Variants in CADM2 observed in about 807,000 individuals in gnomAD.
The protein encoded by CADM2 is cell adhesion molecule 2.
A neutral mutation model predicts 49.8 loss-of-function variants in CADM2; 12 were observed. The observed-to-expected ratio is 0.24, with a 90% confidence interval of 0.15 to 0.39. The LOEUF is 0.39. CADM2 is among the 10% of genes least tolerant of loss of function. The probability of loss-of-function intolerance (pLI) is 1.00; values close to 1 mark genes in which losing one functional copy is unlikely to be tolerated. For synonymous variants in CADM2, 214 were observed against 175.4 expected (o/e 1.22, Z -1.74); for missense variants, 378 against 492.3 (o/e 0.77, Z 2.20).
Position 85,553,651 on chromosome 3 carries a change from A to T in CADM2, c.62-172871A>T, listed in dbSNP as rs2061874492. Among the ~76,000 whole-genome samples, 3 of 152,186 alleles carry T rather than the reference A, an allele frequency of 2.0e-5. No individual in the cohort carries two copies. The South Asian group carries it at 6.2e-4, about 31-fold the overall frequency. On this transcript the variant is annotated intron_variant, in intron 1 of 9. Coordinates refer to ENST00000383699, the MANE Select transcript of CADM2 (RefSeq NM_001167675.2). ...CTCCAGGAAGAGTATTTTTGAAAAT[A>T]TCTCCCGTTCAGCACTTACTACCAG...
chr3:85,070,391 TA>T (rs1440873436), intron 1 of CADM2, among the ~76,000 whole-genome samples: 2 of 152,186 alleles, frequency 1.3e-5, no homozygotes, highest in African/African-American at 2.4e-5. Flanking sequence ...ATTATTCTTA[TA>T]GAAAGACTAG....
At chr3:85,191,170 C>T (rs1448105908) in intron 1 of CADM2, among the ~76,000 whole-genome samples, 1 of 151,856 alleles carries the variant, frequency 6.6e-6, no homozygotes. Context: ...AAGTTACATC[C>T]TCCTAACTAT....
chr3:85,165,808 T>C (rs746480970), intron 1 of CADM2, among the ~76,000 whole-genome samples: 2 of 151,838 alleles, frequency 1.3e-5, no homozygotes, highest in Admixed American at 6.6e-5. Context: ...CTTAGGAAAA[T>C]TGAATTACTA....
chr3:84,960,891 G>T (rs373049284), intron 1 of CADM2, among the ~76,000 whole-genome samples: 1 of 152,134 alleles, frequency 6.6e-6, no homozygotes, highest in East Asian at 1.9e-4. Flanking sequence ...GTGGGCAGGG[G>T]CTGTAAGGCG....
chr3:85,445,073 A>G (rs1221462606), intron 1 of CADM2, among the ~76,000 whole-genome samples: 3 of 152,168 alleles, frequency 2.0e-5, no homozygotes, highest in Non-Finnish European at 4.4e-5. Context: ...TATACTGTGT[A>G]TATAGTCCCA....
intron 1 of CADM2, among the ~76,000 whole-genome samples, chr3:85,204,128 TC>T (rs2041573531): frequency 6.6e-6 from 1 of 152,184 alleles, no homozygotes; most frequent in African/African-American, 2.4e-5. Flanking sequence ...ATTTAAATAA[TC>T]CCTCAGAATT....
rs567646477 is a variant in CADM2 at position 85,930,303 on chromosome 3, T to C, written c.701-5464T>C. Among the ~76,000 whole-genome samples the C allele has an allele frequency of 5.9e-5, 9 of 152,216 alleles. 1 individual carries two copies. Among genetic ancestry groups the C allele is most frequent in the African/African-American group, 2.2e-4 (9 of 41,558 alleles). On this transcript the variant is annotated intron_variant, in intron 6 of 9. Coordinates refer to ENST00000383699, the MANE Select transcript of CADM2 (RefSeq NM_001167675.2). ...GCAATATACATTTAAAAAATTTTTCTTTTTTTAAAACTTTCTATGGGTACA... is the reference window on the plus strand; with the variant it reads ...GCAATATACATTTAAAAAATTTTTCCTTTTTTAAAACTTTCTATGGGTACA...
chr3:86,028,223 CAAAA>C (rs371077792), intron 8 of CADM2, among the ~76,000 whole-genome samples: 1 of 116,100 alleles, frequency 8.6e-6, no homozygotes, highest in Non-Finnish European at 1.9e-5. Context: ...AAAAAGAAGT[CAAAA>C]AAAAAAAAAA....
At chr3:85,081,643 T>A (rs547883317) in intron 1 of CADM2, among the ~76,000 whole-genome samples, 4 of 152,282 alleles carry the variant, frequency 2.6e-5, no homozygotes, top group African/African-American at 9.6e-5. Context: ...GAAAGATAGG[T>A]TACGTCCCAC....
intron 1 of CADM2, among the ~76,000 whole-genome samples, chr3:85,710,005 T>C (rs1038003417): frequency 2.0e-5 from 3 of 152,116 alleles, no homozygotes; most frequent in African/African-American, 2.4e-5. Flanking sequence ...CTGAGTACTC[T>C]AGCAAATTAA....
At chr3:86,002,466 G>A (rs372659563) in intron 8 of CADM2, among the ~76,000 whole-genome samples, 1 of 151,940 alleles carries the variant, frequency 6.6e-6, no homozygotes, top group East Asian at 1.9e-4. Flanking sequence ...GCCACCCTAG[G>A]GTGATATAAA....
At chr3:85,337,001 A>T (rs1161890123) in intron 1 of CADM2, among the ~76,000 whole-genome samples, 1 of 127,310 alleles carries the variant, frequency 7.9e-6, no homozygotes, top group Non-Finnish European at 1.7e-5. Context: ...TTTAATATAT[A>T]TTAAATATAA....
At chr3:85,836,284 G>C (rs2074406518) in intron 3 of CADM2, among the ~76,000 whole-genome samples, 2 of 151,594 alleles carry the variant, frequency 1.3e-5, no homozygotes, top group Non-Finnish European at 3.0e-5. Flanking sequence ...AGAGGGCATG[G>C]TTGTAAAAAT....
At chr3:85,100,754 T>C (rs1285413021) in intron 1 of CADM2, among the ~76,000 whole-genome samples, 1 of 152,174 alleles carries the variant, frequency 6.6e-6, no homozygotes, top group African/African-American at 2.4e-5. Context: ...TAAAGAGAAA[T>C]TGAAAAACCC....
At chr3:85,793,363 C>T (rs1007012733) in intron 2 of CADM2, among the ~76,000 whole-genome samples, 5 of 152,262 alleles carry the variant, frequency 3.3e-5, no homozygotes, top group African/African-American at 1.2e-4. Context: ...TTCAAGATCA[C>T]TGTTCACAGA....
At chr3:86,023,388 TTTTG>T (rs1733455292) in intron 8 of CADM2, among the ~76,000 whole-genome samples, 1 of 147,676 alleles carries the variant, frequency 6.8e-6, no homozygotes, top group Non-Finnish European at 1.5e-5. Flanking sequence ...TTTTGTTTTG[TTTTG>T]TTTTTTTGAG....
At chr3:85,577,587 C>T (rs1239113129) in intron 1 of CADM2, among the ~76,000 whole-genome samples, 1 of 152,118 alleles carries the variant, frequency 6.6e-6, no homozygotes. Flanking sequence ...GAACACAAAA[C>T]AGGCCAAGAC....
chr3:85,828,854 G>C (rs934632616), intron 3 of CADM2, among the ~76,000 whole-genome samples: 1 of 151,868 alleles, frequency 6.6e-6, no homozygotes, highest in African/African-American at 2.4e-5. Flanking sequence ...ACAAATGATA[G>C]ATTCCCAGTA....
rs546598414 is a variant in CADM2 at position 85,855,863 on chromosome 3, T to C, written c.239-27428T>C. On this transcript the variant is annotated intron_variant, in intron 3 of 9. Transcript: ENST00000383699. ...GGATGGTCTCGATCTCCTGACCTCG[T>C]GATCAGCCTGCCTCGGCCTCCGAAA... 8.6e-5 allele frequency among the ~76,000 whole-genome samples: 13 copies of C among 151,940 alleles called. No individual in the cohort carries two copies. The South Asian group carries it at 1.9e-3, about 22-fold the overall frequency.
Sources: allele counts gnomAD v4.1 joint callset (sites outside exome capture counted in the v4.1 genomes callset), GRCh38; gene constraint gnomAD v4.1.1; transcripts MANE v1.5; gene names NCBI Gene and HGNC (gene_info 2026-07-23, HGNC 2026-07-21).